The following NEDD4L variants were observed in gnomAD, a reference collection of about 807,000 sequenced individuals.
The protein encoded by NEDD4L is NEDD4 like E3 ubiquitin protein ligase.
A neutral mutation model predicts 148.9 loss-of-function variants in NEDD4L; 54 were observed. The ratio of observed to expected loss-of-function variants is 0.36; its 90% CI spans 0.29 to 0.45. The LOEUF is 0.45. Among genes scored for constraint, NEDD4L ranks in the 20% least tolerant of loss-of-function variants. NEDD4L has a pLI of 1.00. For missense variants in NEDD4L, 856 were observed against 1,233.8 expected (o/e 0.69, Z 4.59); for synonymous variants, 433 against 440.7 (o/e 0.98, Z 0.22).
At chr18:58,129,177 C>T (rs1481872863) in intron 1 of NEDD4L, among the ~76,000 whole-genome samples, 3 of 152,240 alleles carry the variant, frequency 2.0e-5, no homozygotes, top group Admixed American at 6.5e-5. Context: ...GCCAGTTGCC[C>T]GTGCTTCAAG....
intron 5 of NEDD4L, among the ~76,000 whole-genome samples, chr18:58,297,642 A>G (rs1325655855): frequency 4.6e-5 from 7 of 152,088 alleles, no homozygotes; most frequent in Admixed American, 2.0e-4. Flanking sequence ...GACCCCTGGA[A>G]CTTGTCAATG....
chr18:58,180,584 T>C (rs1369728711), intron 2 of NEDD4L, among the ~76,000 whole-genome samples: 1 of 152,258 alleles, frequency 6.6e-6, no homozygotes, highest in Non-Finnish European at 1.5e-5. Flanking sequence ...TCTCTCCTCC[T>C]TTCGTGCTTG....
At chr18:58,189,572 T>G (rs988632115) in intron 2 of NEDD4L, among the ~76,000 whole-genome samples, 4 of 152,140 alleles carry the variant, frequency 2.6e-5, no homozygotes, top group African/African-American at 9.7e-5. Context: ...AGCCCTCAAT[T>G]CCAATAACGA....
Position 58,341,063 on chromosome 18 carries a change from C to T in NEDD4L, c.1151C>T (p.Thr384Met), listed in dbSNP as rs370254467. Residue 384 changes from threonine (T) to methionine (M), a missense_variant, in exon 14 of 31, where the codon ACG becomes ATG. This residue lies in a region of NEDD4L where 367 missense variants were observed against 422.7 expected (regional missense o/e 0.87). Transcript: ENST00000400345. ...CCATCAGTGGCCTATGTACATACCA[C>T]GCCGGGTCTGCCTTCAGGCTGGGAA... is the stretch of plus-strand genomic sequence containing the variant. ...PTPSVAYVHT[T>M]PGLPSGWEER... 3.7e-6 allele frequency: 6 copies of T among 1,610,580 alleles called. No individual in the cohort carries two copies. Among genetic ancestry groups the T allele is most frequent in the East Asian group, 2.2e-5 (1 of 44,828 alleles).
chr18:58,374,691 C>G (rs900749746), intron 24 of NEDD4L, among the ~76,000 whole-genome samples: 1 of 151,804 alleles, frequency 6.6e-6, no homozygotes, highest in Admixed American at 6.6e-5. Flanking sequence ...GCTCACTCCC[C>G]CCAGAGACAC....
intron 16 of NEDD4L, among the ~76,000 whole-genome samples, chr18:58,343,788 A>G (rs1368363836): frequency 2.0e-5 from 3 of 152,152 alleles, no homozygotes; most frequent in Non-Finnish European, 4.4e-5. Flanking sequence ...ATATCTTTGT[A>G]TTTCTGTGTC....
chr18:58,379,950 C>T (rs4940676), intron 24 of NEDD4L, among the ~76,000 whole-genome samples: 44,252 of 151,806 alleles, frequency 0.29, 6,815 homozygotes, highest in African/African-American at 0.38. Flanking sequence ...CCTCACTCCC[C>T]CACAGAGAAA....
chr18:58,391,637 T>C, intron 30 of NEDD4L, 78 bp downstream of exon 30: 1 of 966,928 alleles, frequency 1.0e-6, no homozygotes, highest in Non-Finnish European at 1.6e-6. Context: ...TCAAGGCTAT[T>C]GAATGCTCTG....
chr18:58,196,737 T>A lies in NEDD4L; in HGVS notation c.122+30876T>A, dbSNP rs968171928. Among the ~76,000 whole-genome samples, 530 of 143,498 alleles carry A rather than the reference T, an allele frequency of 3.7e-3. 2 individuals are homozygous for A. Among genetic ancestry groups the A allele is most frequent in the African/African-American group, 0.013 (507 of 37,936 alleles). 94.1% of individuals were successfully genotyped at this position (143,498 alleles called of 152,430 possible). On this transcript the variant is annotated intron_variant, in intron 2 of 30. Transcript: ENST00000400345. Reference sequence around the variant, plus strand: ...TTTTTTTTTTTTTTTTTTTTTTTTTTAACATCAGCCACAGGTAATACTCTC... The same window carrying A: ...TTTTTTTTTTTTTTTTTTTTTTTTTAAACATCAGCCACAGGTAATACTCTC...
chr18:58,255,515 C>G, intron 5 of NEDD4L: 3 of 1,231,126 alleles, frequency 2.4e-6, no homozygotes, highest in Non-Finnish European at 3.0e-6. Flanking sequence ...CTCCCGGTGC[C>G]GCAGTGCTAA....
chr18:58,144,221 T>A (rs1410713025), intron 1 of NEDD4L, among the ~76,000 whole-genome samples: 1 of 152,160 alleles, frequency 6.6e-6, no homozygotes, highest in Non-Finnish European at 1.5e-5. Flanking sequence ...TAATTGGTTC[T>A]TGGCTCTGCA....
intron 27 of NEDD4L, chr18:58,388,658 G>GA (rs1230706128): frequency 5.9e-6 from 1 of 169,632 alleles, no homozygotes; most frequent in Non-Finnish European, 1.3e-5. Context: ...GATCAACCTG[G>GA]AGGAGAGTCA....
chr18:58,221,962 T>C (rs1291937893), intron 2 of NEDD4L, among the ~76,000 whole-genome samples: 1 of 152,198 alleles, frequency 6.6e-6, no homozygotes, highest in African/African-American at 2.4e-5. Flanking sequence ...AAAAGAATGA[T>C]AGGCAAAGAA....
At chr18:58,188,802 A>T (rs1011357098) in intron 2 of NEDD4L, among the ~76,000 whole-genome samples, 2 of 152,252 alleles carry the variant, frequency 1.3e-5, no homozygotes, top group African/African-American at 4.8e-5. Flanking sequence ...TGTAGTTGTT[A>T]GTCTTGAAAG....
At chr18:58,333,687 G>T in intron 11 of NEDD4L, 131 bp from the exon 12 acceptor site, 1 of 681,790 alleles carries the variant, frequency 1.5e-6, no homozygotes, top group South Asian at 1.7e-5. Flanking sequence ...GCTCTGAAAA[G>T]ATGTTTCATT....
intron 1 of NEDD4L, among the ~76,000 whole-genome samples, chr18:58,132,676 A>C (rs1345588838): frequency 6.6e-6 from 1 of 152,234 alleles, no homozygotes; most frequent in African/African-American, 2.4e-5. Context: ...TAGGGGCTCA[A>C]GCCAACCCTC....
intron 1 of NEDD4L, among the ~76,000 whole-genome samples, chr18:58,072,831 A>G (rs2082937484): frequency 6.6e-6 from 1 of 151,822 alleles, no homozygotes; most frequent in Non-Finnish European, 1.5e-5. Flanking sequence ...TACAGTTGAC[A>G]TGATCTTGTA....
chr18:58,194,834 T>C (rs142247265), intron 2 of NEDD4L, among the ~76,000 whole-genome samples: 1 of 152,332 alleles, frequency 6.6e-6, no homozygotes, highest in African/African-American at 2.4e-5. Flanking sequence ...CACGGGGAAC[T>C]GTGAAAGACA....
intron 2 of NEDD4L, among the ~76,000 whole-genome samples, chr18:58,227,037 A>G (rs1599916080): frequency 6.6e-6 from 1 of 152,126 alleles, no homozygotes. Context: ...AAAGCTGCCT[A>G]CCCTGCAGCC....
Sources: allele counts gnomAD v4.1 joint callset (sites outside exome capture counted in the v4.1 genomes callset), GRCh38; gene constraint gnomAD v4.1.1; regional missense constraint gnomAD v4.1.1; transcripts MANE v1.5; gene names NCBI Gene and HGNC (gene_info 2026-07-23, HGNC 2026-07-21).